PRKCSH: variants seen among roughly 807,000 people sequenced by gnomAD.
PRKCSH encodes glucosidase 2 subunit beta.
A neutral mutation model predicts 79.7 loss-of-function variants in PRKCSH; 42 were observed. The observed-to-expected ratio is 0.53, with a 90% CI of 0.41 to 0.68. The LOEUF is 0.68. Ranked by LOEUF, PRKCSH falls within the 30% of genes least tolerant of loss-of-function variation. The probability of loss-of-function intolerance (pLI) is 0.00; values close to 1 mark genes in which losing one functional copy is unlikely to be tolerated. For synonymous variants in PRKCSH, 325 were observed against 288.2 expected (o/e 1.13, Z -1.29); for missense variants, 686 against 709.0 (o/e 0.97, Z 0.37).
At position 11,441,221 on chromosome 19, in the gene PRKCSH, G is replaced by T; in HGVS notation, c.351-19G>T. 1 of 1,611,348 alleles carries T rather than the reference G, an allele frequency of 6.2e-7. No individual in the cohort carries two copies. Among genetic ancestry groups the T allele is most frequent in the African/African-American group, 1.3e-5 (1 of 75,008 alleles). ...CCTAAGTGCCCCACTGGTGGTGCCT[G>T]TGTGTCTCCGCACCGCAGAGAGAAG... On this transcript the variant is annotated intron_variant, in intron 5 of 17. Transcript: ENST00000677123.
chr19:11,441,609 C>T (rs1207391507), intron 6 of PRKCSH, among the ~76,000 whole-genome samples: 2 of 152,154 alleles, frequency 1.3e-5, no homozygotes, highest in Admixed American at 1.3e-4. Flanking sequence ...GCTGGAAGGG[C>T]CTCTCTGCCT....
At position 11,448,290 on chromosome 19, in the gene PRKCSH, A is replaced by T; in HGVS notation, c.1195A>T (p.Arg399Trp). 1 of 1,572,642 alleles carries T rather than the reference A, an allele frequency of 6.4e-7. No homozygotes were observed. Among genetic ancestry groups the T allele is most frequent in the South Asian group, 1.2e-5 (1 of 85,828 alleles). The stretch of plus-strand genomic sequence containing the variant: ...GCTGAAGGACATGGAGGAGTCCATC[A>T]GGTAGCGGGGGCTGAGGAGCGGGGA... ...RSLKDMEESI[R>W]NLEQEISFDF... Residue 399 changes from arginine (R) to tryptophan (W), a missense_variant and splice_region_variant, in exon 13 of 18, where the codon AGG becomes TGG. Physicochemically the swap from Arg to Trp is moderately radical, Grantham distance 101. Coordinates refer to ENST00000677123, the MANE Select transcript of PRKCSH (RefSeq NM_001289104.2). The surrounding 1 kb of genome is among the most constrained non-coding windows in gnomAD (Gnocchi z 4.4).
At chr19:11,435,966 C>A in intron 1 of PRKCSH, 75 bp from the exon 2 acceptor site, 1 of 1,155,008 alleles carries the variant, frequency 8.7e-7, no homozygotes, top group Non-Finnish European at 1.3e-6. Context: ...GCCTCATTGC[C>A]TGGAAGCGAT....
At chr19:11,441,739 G>C (rs1324799204) in intron 6 of PRKCSH, among the ~76,000 whole-genome samples, 1 of 152,170 alleles carries the variant, frequency 6.6e-6, no homozygotes, top group East Asian at 1.9e-4. Flanking sequence ...TCAGCCAGTA[G>C]CAGCTGGATT....
In PRKCSH at chr19:11,441,109, G is replaced by T. The variant is rs920838303; in HGVS notation, c.351-131G>T. On this transcript the variant is annotated intron_variant, in intron 5 of 17. Coordinates refer to ENST00000677123, the MANE Select transcript of PRKCSH (RefSeq NM_001289104.2). ...TGCTGATGTTGAGAGAACCTGGGAG[G>T]AAGGCTTGCTCTCATCTTTCCCAGC... 1.9e-5 allele frequency: 17 copies of T among 884,918 alleles called. No individual in the cohort carries two copies. The African/African-American group carries it at 2.5e-4, about 13-fold the overall frequency. The allele number at this position is 884,918 out of a possible 1,614,324, so 54.8% of individuals were successfully genotyped here. A position where few individuals can be genotyped will look rare whatever the true frequency, so the allele number is the denominator to read the frequency against.
In PRKCSH at chr19:11,441,642, C is replaced by T. The variant is rs1469237412; in HGVS notation, c.468+285C>T. On this transcript the variant is annotated intron_variant, in intron 6 of 17. Transcript: ENST00000677123. ...CCTCCTGGGGATGGGAGGGTTGCTT[C>T]TCTGTACCCCGGATCTGTGGTGCCA... Among the ~76,000 whole-genome samples the T allele has an allele frequency of 2.6e-5, 4 of 152,176 alleles. No homozygotes were observed. In the East Asian group the frequency reaches 5.8e-4, roughly 22 times the overall value.
At position 11,449,250 on chromosome 19, in the gene PRKCSH, G is replaced by C. The variant is rs766387114; in HGVS notation, c.1462-16G>C. On this transcript the variant is annotated splice_polypyrimidine_tract_variant and intron_variant, in intron 16 of 17. Transcript: ENST00000677123. This position sits in a 1 kb window ranked among gnomAD's most constrained non-coding sequence, Gnocchi z 6.4. Reference sequence around the variant, plus strand: ...CCCAGCCGAACCCTCTCGAGCACCCGTCTGCCCATCCCCAGGTGCGCCTCC... The same window carrying C: ...CCCAGCCGAACCCTCTCGAGCACCCCTCTGCCCATCCCCAGGTGCGCCTCC... The C allele has an allele frequency of 1.2e-6, 2 of 1,613,670 alleles. No homozygotes were observed. The highest frequency in any genetic ancestry group is 2.2e-5 in the East Asian group (1 of 44,880).
At chr19:11,436,767 T>C in intron 3 of PRKCSH, 1 of 467,116 alleles carries the variant, frequency 2.1e-6, no homozygotes, top group South Asian at 2.0e-5. Context: ...GATGGAGGGG[T>C]CAACACGGGC....
In PRKCSH at chr19:11,447,009, C is replaced by A; in HGVS notation, c.763-65C>A. Reference sequence around the variant, plus strand: ...CGTGCCTGGCACCGCAGCCCGGGTGCCGGGGTGGCCGAGATGGGGGACACG... The same window carrying A: ...CGTGCCTGGCACCGCAGCCCGGGTGACGGGGTGGCCGAGATGGGGGACACG... On this transcript the variant is annotated intron_variant, in intron 9 of 17. Coordinates refer to ENST00000677123, the MANE Select transcript of PRKCSH (RefSeq NM_001289104.2). The surrounding 1 kb of genome is among the most constrained non-coding windows in gnomAD (Gnocchi z 5.6). The A allele has an allele frequency of 6.4e-7, 1 of 1,554,564 alleles. No individual in the cohort carries two copies. The highest frequency in any genetic ancestry group is 8.9e-7 in the Non-Finnish European group (1 of 1,126,302).
Position 11,447,818 on chromosome 19 carries a change from G to T in PRKCSH, c.1126+29G>T. On this transcript the variant is annotated intron_variant, in intron 12 of 17. Coordinates refer to ENST00000677123, the MANE Select transcript of PRKCSH (RefSeq NM_001289104.2). This position sits in a 1 kb window ranked among gnomAD's most constrained non-coding sequence, Gnocchi z 5.6. ...AGGGTGGGCGGGGGCCAGGCTCCTC[G>T]GGTGGGCCCAGCGTTTCCTGCCGTG... The T allele has an allele frequency of 6.5e-7, 1 of 1,536,340 alleles. No individual in the cohort carries two copies. Among genetic ancestry groups the T allele is most frequent in the East Asian group, 2.4e-5 (1 of 41,148 alleles).
Position 11,448,315 on chromosome 19 carries a change from AC to A in PRKCSH, c.1196+25del. On this transcript the variant is annotated intron_variant, in intron 13 of 17. Coordinates refer to ENST00000677123, the MANE Select transcript of PRKCSH (RefSeq NM_001289104.2). The surrounding 1 kb of genome is among the most constrained non-coding windows in gnomAD (Gnocchi z 4.4). ...AGGTAGCGGGGGCTGAGGAGCGGGG[AC>A]ACCTGTCCCACAGCGACTGCTCCTT... The A allele has an allele frequency of 6.4e-7, 1 of 1,565,744 alleles. No homozygotes were observed. Among genetic ancestry groups the A allele is most frequent in the Non-Finnish European group, 8.7e-7 (1 of 1,155,080 alleles).
chr19:11,449,195 G>C lies in PRKCSH; in HGVS notation c.1461+20G>C. On this transcript the variant is annotated intron_variant, in intron 16 of 17. Transcript: ENST00000677123. This position sits in a 1 kb window ranked among gnomAD's most constrained non-coding sequence, Gnocchi z 6.4. ...ACCACCGTGAGTGCCTGCAAGGCAG[G>C]GGAGCTGGGGCGGGGAGACCCAGGC... 1 of 1,613,654 alleles carries C rather than the reference G, an allele frequency of 6.2e-7. No homozygotes were observed. The highest frequency in any genetic ancestry group is 8.5e-7 in the Non-Finnish European group (1 of 1,179,976).
At chr19:11,443,739 G>A (rs529941507) in intron 7 of PRKCSH, among the ~76,000 whole-genome samples, 4 of 152,142 alleles carry the variant, frequency 2.6e-5, no homozygotes, top group African/African-American at 9.6e-5. Context: ...TTTTCTATCT[G>A]GGGTTTGGCC....
chr19:11,442,914 G>A (rs878912458), intron 7 of PRKCSH, among the ~76,000 whole-genome samples: 4 of 152,036 alleles, frequency 2.6e-5, no homozygotes, highest in Admixed American at 2.0e-4. Flanking sequence ...ATGTTGGCCA[G>A]GCTGGTCCTG....
intron 5 of PRKCSH, among the ~76,000 whole-genome samples, chr19:11,439,344 G>A (rs1163060176): frequency 6.6e-6 from 1 of 151,918 alleles, no homozygotes; most frequent in African/African-American, 2.4e-5. Flanking sequence ...GCTGAGGCAG[G>A]AAGACTGCTT....
In PRKCSH at chr19:11,447,831, G is replaced by A. The variant is rs987224289; in HGVS notation, c.1126+42G>A. On this transcript the variant is annotated intron_variant, in intron 12 of 17. Coordinates refer to ENST00000677123, the MANE Select transcript of PRKCSH (RefSeq NM_001289104.2). This position sits in a 1 kb window ranked among gnomAD's most constrained non-coding sequence, Gnocchi z 5.6. The stretch of plus-strand genomic sequence containing the variant: ...GCCAGGCTCCTCGGGTGGGCCCAGC[G>A]TTTCCTGCCGTGGTGGCACAGGTCG... 30 of 1,513,730 alleles carry A rather than the reference G, an allele frequency of 2.0e-5. No homozygotes were observed. Among genetic ancestry groups the A allele is most frequent in the East Asian group, 4.9e-5 (2 of 40,776 alleles). 93.8% of individuals were successfully genotyped at this position (1,513,730 alleles called of 1,614,324 possible). A position where few individuals can be genotyped will look rare whatever the true frequency, so the allele number is the denominator to read the frequency against.
rs748765532 is a variant in PRKCSH at position 11,449,275 on chromosome 19, C to T, written c.1471C>T (p.Leu491=). 1.1e-5 allele frequency: 17 copies of T among 1,613,742 alleles called. 1 individual carries two copies. The highest frequency in any genetic ancestry group is 1.4e-5 in the Non-Finnish European group (17 of 1,179,954). ...GTCTGCCCATCCCCAGGTGCGCCTC[C>T]TGTGCGGGAAAGAGACCATGGTGAC... ...GPNRSTTVRL[L]CGKETMVTST... The change falls in exon 17 of 18, where the codon CTG becomes TTG. Residue 491 remains leucine (L), a synonymous_variant. Transcript: ENST00000677123. The surrounding 1 kb of genome is among the most constrained non-coding windows in gnomAD (Gnocchi z 6.4).
chr19:11,448,611 A>G lies in PRKCSH; in HGVS notation c.1268A>G (p.Tyr423Cys), dbSNP rs564392534. The change falls in exon 14 of 18, where the codon TAC becomes TGC. Residue 423 changes from tyrosine to cysteine, a missense_variant. Physicochemically the swap from Tyr to Cys is radical, Grantham distance 194. Coordinates refer to ENST00000677123, the MANE Select transcript of PRKCSH (RefSeq NM_001289104.2). The surrounding 1 kb of genome is among the most constrained non-coding windows in gnomAD (Gnocchi z 4.4). ...GEFAYLYSQC[Y>C]ELTTNEYVYR... ...TTTGCTTACCTGTACAGCCAGTGCTACGAGCTCACCACCAACGAGTGCGTC... is the reference window on the plus strand; with the variant it reads ...TTTGCTTACCTGTACAGCCAGTGCTGCGAGCTCACCACCAACGAGTGCGTC... 5 of 1,614,116 alleles carry G rather than the reference A, an allele frequency of 3.1e-6. No individual in the cohort carries two copies. The highest frequency in any genetic ancestry group is 2.2e-5 in the East Asian group (1 of 44,882).
In PRKCSH at chr19:11,449,175, C is replaced by G. The variant is rs371330547; in HGVS notation, c.1461C>G (p.Thr487=). 2 of 1,613,652 alleles carry G rather than the reference C, an allele frequency of 1.2e-6. No individual in the cohort carries two copies. Among genetic ancestry groups the G allele is most frequent in the Admixed American group, 3.3e-5 (2 of 60,010 alleles). ...GCWQGPNRST[T]VRLLCGKETM... The stretch of plus-strand genomic sequence containing the variant: ...GGCAGGGCCCCAACCGCTCCACCAC[C>G]GTGAGTGCCTGCAAGGCAGGGGAGC... The change falls in exon 16 of 18, where the codon ACC becomes ACG. Residue 487 remains threonine, a splice_region_variant and synonymous_variant. Transcript: ENST00000677123. This position sits in a 1 kb window ranked among gnomAD's most constrained non-coding sequence, Gnocchi z 6.4.
Sources: gnomAD v4.1 joint callset for allele counts (sites outside exome capture counted in the v4.1 genomes callset) on GRCh38, gnomAD v4.1.1 for gene constraint, Gnocchi (gnomAD v3.1) non-coding constraint, MANE v1.5 for transcripts, NCBI Gene and HGNC (gene_info 2026-07-23, HGNC 2026-07-21) for gene names.